The following VGLL3 variants were observed in gnomAD, a reference collection of about 807,000 sequenced individuals.
VGLL3 encodes transcription cofactor vestigial-like protein 3.
Under a neutral mutation model 29.2 loss-of-function variants are expected in VGLL3, and 18 were observed. The observed-to-expected ratio is 0.62, with a 90% CI of 0.43 to 0.91. VGLL3 has a LOEUF of 0.91. VGLL3 is among the 40% of genes least tolerant of loss of function. The probability of loss-of-function intolerance (pLI) is 0.00; values close to 1 mark genes in which losing one functional copy is unlikely to be tolerated. For missense variants in VGLL3, 440 were observed against 413.2 expected (o/e 1.06, Z -0.56); for synonymous variants, 180 against 151.8 (o/e 1.19, Z -1.36).
rs772834136 is a variant in VGLL3 at position 86,978,704 on chromosome 3, T to C, written c.225A>G (p.Lys75=). The C allele has an allele frequency of 6.5e-5, 105 of 1,613,782 alleles. No homozygotes were observed. Among genetic ancestry groups the C allele is most frequent in the Admixed American group, 1.5e-4 (9 of 59,962 alleles). The change falls in exon 2 of 4, where the codon AAA becomes AAG. Residue 75 remains lysine, a synonymous_variant. Transcript: ENST00000398399. ...EEDEEEEEEE[K]DQPAEMEYLN... ...GGTACTCCATCTCGGCAGGCTGGTC[T>C]TTCTCCTCCTCCTCCTCCTCCTCAT...
chr3:86,979,130 G>A (rs1705272570), intron 1 of VGLL3, among the ~76,000 whole-genome samples: 1 of 152,106 alleles, frequency 6.6e-6, no homozygotes, highest in Non-Finnish European at 1.5e-5. Flanking sequence ...TAGGCCAACA[G>A]GAGAATTACT....
chr3:86,968,607 C>T lies in VGLL3; in HGVS notation c.920G>A (p.Ser307Asn). The change falls in exon 3 of 4, where the codon AGC becomes AAC. Residue 307 changes from serine (S) to asparagine (N), a missense_variant. Ser to Asn is a conservative substitution (Grantham distance 46). Coordinates refer to ENST00000398399, the MANE Select transcript of VGLL3 (RefSeq NM_016206.4). ...CAGCTTACCTGTATCGAATCCCACG[C>T]TGGGCACTATGTCTACTGTTCCATG... ...AFHGTVDIVPSVGFDTGLQHQ... is the reference protein window; with the variant it reads ...AFHGTVDIVPNVGFDTGLQHQ... The T allele has an allele frequency of 6.2e-7, 1 of 1,613,566 alleles. No individual in the cohort carries two copies. Among genetic ancestry groups the T allele is most frequent in the Non-Finnish European group, 8.5e-7 (1 of 1,179,724 alleles).
chr3:86,968,142 A>G (rs1705003228), intron 3 of VGLL3, among the ~76,000 whole-genome samples: 1 of 152,178 alleles, frequency 6.6e-6, no homozygotes, highest in Non-Finnish European at 1.5e-5. Flanking sequence ...TCAAAAGGCT[A>G]CACTATAGAC....
At chr3:86,977,127 T>G (rs1460543368) in intron 2 of VGLL3, among the ~76,000 whole-genome samples, 1 of 152,088 alleles carries the variant, frequency 6.6e-6, no homozygotes, top group Non-Finnish European at 1.5e-5. Context: ...GATATTTTAT[T>G]TGTATTCCAC....
chr3:86,987,683 C>G (rs1026721445), intron 1 of VGLL3, among the ~76,000 whole-genome samples: 8 of 152,078 alleles, frequency 5.3e-5, no homozygotes, highest in African/African-American at 1.9e-4. Flanking sequence ...GGATTTATAC[C>G]CAGCCATGCA....
intron 1 of VGLL3, 146 bp downstream of exon 1, chr3:86,990,472 G>T: frequency 8.0e-7 from 1 of 1,243,064 alleles, no homozygotes; most frequent in Non-Finnish European, 1.0e-6. Flanking sequence ...GGCTCTCTCG[G>T]GATGGCTTTC....
chr3:86,948,720 A>G (rs1311477756), intron 3 of VGLL3, among the ~76,000 whole-genome samples: 1 of 152,132 alleles, frequency 6.6e-6, no homozygotes, highest in Admixed American at 6.5e-5. Context: ...TCTTTTTACC[A>G]CAAGCATACT....
At chr3:86,947,406 G>A (rs540872446) in intron 3 of VGLL3, among the ~76,000 whole-genome samples, 2 of 152,188 alleles carry the variant, frequency 1.3e-5, no homozygotes, top group South Asian at 4.1e-4. Context: ...ATGATATTGG[G>A]AGAAAAAAGA....
chr3:86,970,916 A>G lies in VGLL3; in HGVS notation c.404-1793T>C, dbSNP rs369200610. 7.2e-5 allele frequency among the ~76,000 whole-genome samples: 11 copies of G among 152,252 alleles called. 1 individual carries two copies. The East Asian group carries it at 1.2e-3, about 16-fold the overall frequency. ...TTCACTAAGAAAATGAAGTATTTGA[A>G]CTCATTAATTCAAATTATCTACGGC... On this transcript the variant is annotated intron_variant, in intron 2 of 3. Transcript: ENST00000398399.
chr3:86,990,605 T>G lies in VGLL3; in HGVS notation c.126+13A>C, dbSNP rs77950373. 34,308 of 1,338,802 alleles carry G rather than the reference T, an allele frequency of 0.026. 3,310 individuals carry two copies. The African/African-American group carries it at 0.27, about 11-fold the overall frequency. The allele number at this position is 1,338,802 out of a possible 1,614,324, so 82.9% of individuals were successfully genotyped here. ...GCCCCCGCCCCCAGCAGGCTGCCCG[T>G]CCGGTGACTCACCTGCTGGCCAGGT... is the stretch of plus-strand genomic sequence containing the variant. On this transcript the variant is annotated intron_variant, in intron 1 of 3. Transcript: ENST00000398399.
At chr3:86,988,289 T>A (rs1705493340) in intron 1 of VGLL3, among the ~76,000 whole-genome samples, 1 of 152,092 alleles carries the variant, frequency 6.6e-6, no homozygotes, top group South Asian at 2.1e-4. Context: ...TTGTAGCCCT[T>A]ACTTTTGTCT....
At chr3:86,973,065 T>TA (rs201793564) in intron 2 of VGLL3, among the ~76,000 whole-genome samples, 8 of 147,618 alleles carry the variant, frequency 5.4e-5, no homozygotes, top group East Asian at 4.0e-4. Flanking sequence ...AAATGTCTCT[T>TA]AAAAAAAACA....
chr3:86,990,263 A>C, intron 1 of VGLL3: 1 of 971,306 alleles, frequency 1.0e-6, no homozygotes. Flanking sequence ...ATCTTTCCAA[A>C]TAAACAAAAT....
chr3:86,981,859 C>A (rs1205126050), intron 1 of VGLL3, among the ~76,000 whole-genome samples: 1 of 152,176 alleles, frequency 6.6e-6, no homozygotes, highest in East Asian at 1.9e-4. Flanking sequence ...AGCACACACA[C>A]ACTCACATAC....
At chr3:86,947,736 T>C (rs928033356) in intron 3 of VGLL3, among the ~76,000 whole-genome samples, 4 of 152,068 alleles carry the variant, frequency 2.6e-5, no homozygotes, top group African/African-American at 9.7e-5. Context: ...AATTAAAATT[T>C]AGAAGTTAAT....
intron 3 of VGLL3, among the ~76,000 whole-genome samples, chr3:86,951,512 T>G (rs1359079124): frequency 6.6e-6 from 1 of 152,118 alleles, no homozygotes; most frequent in Admixed American, 6.5e-5. Flanking sequence ...ACATATGAAT[T>G]TGGGAGAGAT....
rs1186672242 is a variant in VGLL3 at position 86,940,402 on chromosome 3, A to G, written c.*6622T>C. 6.6e-6 allele frequency: 1 copy of G among 152,462 alleles called. No individual in the cohort carries two copies. Among genetic ancestry groups the G allele is most frequent in the Non-Finnish European group, 1.5e-5 (1 of 68,000 alleles). 9.4% of individuals were successfully genotyped at this position (152,462 alleles called of 1,614,324 possible). On this transcript the variant is annotated 3_prime_UTR_variant, in exon 4 of 4. Transcript: ENST00000398399. ...ACTCTTGCTGTTATGTAATTAATAT[A>G]CCCCATTTCATTTTCTTTTCCATTA...
rs770212389 is a variant in VGLL3, at chr3:86,968,925, G to C, written c.602C>G (p.Pro201Arg). ...ATAAGGCCAGGACTCAGACACAGCA[G>C]GGGGAGGGGCTGGGCCAGTCTGATG... is the stretch of plus-strand genomic sequence containing the variant. Reference protein sequence around the residue: ...NLHQTGPAPPPAVSESWPYPL... With the variant: ...NLHQTGPAPPRAVSESWPYPL... The change falls in exon 3 of 4, where the codon CCT becomes CGT. Residue 201 changes from proline (P) to arginine (R), a missense_variant. Transcript: ENST00000398399. 2.5e-6 allele frequency: 4 copies of C among 1,614,050 alleles called. No individual in the cohort carries two copies. Among genetic ancestry groups the C allele is most frequent in the East Asian group, 2.2e-5 (1 of 44,874 alleles).
intron 3 of VGLL3, among the ~76,000 whole-genome samples, chr3:86,947,742 T>C (rs1030441711): frequency 6.6e-6 from 1 of 152,036 alleles, no homozygotes; most frequent in African/African-American, 2.4e-5. Flanking sequence ...AATTTAGAAG[T>C]TAATAATAGT....
Sources: gnomAD v4.1 joint callset for allele counts (sites outside exome capture counted in the v4.1 genomes callset) on GRCh38, gnomAD v4.1.1 for gene constraint, MANE v1.5 for transcripts, NCBI Gene and HGNC (gene_info 2026-07-23, HGNC 2026-07-21) for gene names.